RBM39: variants seen among roughly 807,000 people sequenced by gnomAD.
The protein encoded by RBM39 is RNA binding motif protein 39.
RBM39 carries 12 observed loss-of-function variants against 79.6 expected under a neutral mutation model. The ratio of observed to expected loss-of-function variants is 0.15; its 90% CI spans 0.10 to 0.24. The LOEUF is 0.24. Ranked by LOEUF, RBM39 falls within the 10% of genes least tolerant of loss-of-function variation. The pLI is 1.00. For missense variants in RBM39, 243 were observed against 653.4 expected (o/e 0.37, Z 6.85); for synonymous variants, 185 against 208.4 (o/e 0.89, Z 0.97).
At chr20:35,721,517 C>T (rs2037937900) in intron 9 of RBM39, among the ~76,000 whole-genome samples, 1 of 152,146 alleles carries the variant, frequency 6.6e-6, no homozygotes, top group Admixed American at 6.6e-5. Context: ...ACTCTAATAC[C>T]CATTATGCAT....
rs546666587 is a variant in RBM39 at position 35,737,965 on chromosome 20, C to T, written c.101+1003G>A. 1.3e-4 allele frequency among the ~76,000 whole-genome samples: 20 copies of T among 150,750 alleles called. No homozygotes were observed. In the Middle Eastern group the frequency reaches 0.014, roughly 105 times the overall value. ...GGTCAGGAGATGGAGACCATTCTGG[C>T]TAACACGGTGAAACTCCCTCTCTAC... On this transcript the variant is annotated intron_variant, in intron 3 of 16. Coordinates refer to ENST00000253363, the MANE Select transcript of RBM39 (RefSeq NM_184234.3).
chr20:35,719,665 G>A (rs1371569378), intron 9 of RBM39, among the ~76,000 whole-genome samples: 1 of 152,100 alleles, frequency 6.6e-6, no homozygotes, highest in South Asian at 2.1e-4. Flanking sequence ...CGCAAGGAGT[G>A]AAACTCCCAT....
At chr20:35,724,143 C>T (rs547589225) in intron 8 of RBM39, among the ~76,000 whole-genome samples, 1 of 152,012 alleles carries the variant, frequency 6.6e-6, no homozygotes, top group Non-Finnish European at 1.5e-5. Context: ...ACTAGCCTGG[C>T]CAACATGATG....
At chr20:35,729,845 A>T (rs896178059) in intron 4 of RBM39, among the ~76,000 whole-genome samples, 2 of 3,870 alleles carry the variant, frequency 5.2e-4, no homozygotes, top group Non-Finnish European at 1.9e-3. Context: ...TTGAGAATTA[A>T]AAAAAAAAAA....
intron 7 of RBM39, 51 bp downstream of exon 7, chr20:35,724,987 T>C: frequency 7.8e-7 from 1 of 1,288,262 alleles, no homozygotes; most frequent in East Asian, 2.3e-5. Context: ...GTTTACATGT[T>C]TTCTCTTGCA....
At chr20:35,713,687 A>AAAAAAC (rs2036753308) in intron 11 of RBM39, 1 of 149,496 alleles carries the variant, frequency 6.7e-6, no homozygotes, top group African/African-American at 2.5e-5. Flanking sequence ...AAAAAAAAAA[A>AAAAAAC]AAAAAAAAAA....
At chr20:35,724,792 T>C in intron 7 of RBM39, 70 bp from the exon 8 acceptor site, 1 of 1,502,086 alleles carries the variant, frequency 6.7e-7, no homozygotes, top group Admixed American at 2.0e-5. Context: ...CAAGAGACAC[T>C]GTTGAAGGAT....
intron 10 of RBM39, among the ~76,000 whole-genome samples, chr20:35,715,445 G>C (rs1052102410): frequency 6.6e-6 from 1 of 152,068 alleles, no homozygotes; most frequent in African/African-American, 2.4e-5. Flanking sequence ...CAAAGTGCTG[G>C]CATCACAGGC....
chr20:35,710,056 A>G (rs759042519), intron 12 of RBM39, among the ~76,000 whole-genome samples: 2 of 152,216 alleles, frequency 1.3e-5, no homozygotes, highest in Non-Finnish European at 2.9e-5. Context: ...AAGCTGCTAC[A>G]GAGTGAAACA....
At chr20:35,715,842 G>A (rs181712386) in intron 10 of RBM39, among the ~76,000 whole-genome samples, 147 of 152,108 alleles carry the variant, frequency 9.7e-4, no homozygotes, top group Non-Finnish European at 1.7e-3. Flanking sequence ...ATAGGCGAGG[G>A]TCCTTGCTCT....
rs368847883 is a variant in RBM39 at position 35,740,806 on chromosome 20, C to T, written c.51+18G>A. 3 of 1,601,848 alleles carry T rather than the reference C, an allele frequency of 1.9e-6. No homozygotes were observed. Among genetic ancestry groups the T allele is most frequent in the Non-Finnish European group, 2.6e-6 (3 of 1,171,796 alleles). On this transcript the variant is annotated intron_variant, in intron 2 of 16. Coordinates refer to ENST00000253363, the MANE Select transcript of RBM39 (RefSeq NM_184234.3). ...AAATTAAGAAATATATAAACCTCACCGACATGTTTTTTCTCACCTTCTTGT... is the reference window on the plus strand; with the variant it reads ...AAATTAAGAAATATATAAACCTCACTGACATGTTTTTTCTCACCTTCTTGT...
intron 7 of RBM39, 32 bp downstream of exon 7, chr20:35,725,006 C>G: frequency 7.0e-7 from 1 of 1,418,950 alleles, no homozygotes; most frequent in Non-Finnish European, 9.8e-7. Context: ...CAATTTCTAC[C>G]TACTTGACCT....
At chr20:35,728,091 AT>A (rs2038960597) in intron 6 of RBM39, among the ~76,000 whole-genome samples, 1 of 152,176 alleles carries the variant, frequency 6.6e-6, no homozygotes, top group Non-Finnish European at 1.5e-5. Context: ...CTGGCCTACA[AT>A]TCTTATTTTT....
chr20:35,733,669 T>C (rs1193262847), intron 3 of RBM39, among the ~76,000 whole-genome samples: 1 of 152,224 alleles, frequency 6.6e-6, no homozygotes, highest in Non-Finnish European at 1.5e-5. Context: ...TCCTAGACTT[T>C]AATGTGACCA....
chr20:35,726,043 A>C (rs568862049), intron 6 of RBM39, among the ~76,000 whole-genome samples: 10 of 152,268 alleles, frequency 6.6e-5, no homozygotes, highest in African/African-American at 2.2e-4. Flanking sequence ...TCCTTCTAAA[A>C]ACTAAGGTTT....
intron 4 of RBM39, among the ~76,000 whole-genome samples, chr20:35,730,724 A>G (rs1014242600): frequency 2.0e-5 from 3 of 151,968 alleles, no homozygotes; most frequent in Non-Finnish European, 4.4e-5. Context: ...ATCCTGGTAA[A>G]AAGATTTAAC....
intron 11 of RBM39, 73 bp downstream of exon 11, chr20:35,714,112 A>T: frequency 2.1e-6 from 3 of 1,436,594 alleles, no homozygotes; most frequent in Admixed American, 1.9e-5. Context: ...TCCCTTTCTT[A>T]GTTTACATGG....
At chr20:35,738,049 C>T (rs939775110) in intron 3 of RBM39, among the ~76,000 whole-genome samples, 2 of 149,126 alleles carry the variant, frequency 1.3e-5, no homozygotes, top group African/African-American at 2.5e-5. Context: ...CCCAGCTAAT[C>T]GGAGGCTGAG....
intron 3 of RBM39, among the ~76,000 whole-genome samples, chr20:35,738,491 T>C (rs2040212671): frequency 6.6e-6 from 1 of 151,660 alleles, no homozygotes; most frequent in Admixed American, 6.6e-5. Flanking sequence ...CTTAAGTACC[T>C]GTTCCATCAC....
Sources: allele counts gnomAD v4.1 joint callset (sites outside exome capture counted in the v4.1 genomes callset), GRCh38; gene constraint gnomAD v4.1.1; transcripts MANE v1.5; gene names NCBI Gene and HGNC (gene_info 2026-07-23, HGNC 2026-07-21).